The following DYM variants were observed in gnomAD, a reference collection of about 807,000 sequenced individuals.
DYM encodes dymeclin, also known as dyggve-Melchior-Clausen syndrome protein.
Under a neutral mutation model 93.1 loss-of-function variants are expected in DYM, and 78 were observed. The ratio of observed to expected loss-of-function variants is 0.84; its 90% CI spans 0.70 to 1.01. DYM has a LOEUF of 1.01. DYM is among the 50% of genes least tolerant of loss of function. DYM has a pLI of 0.00. For synonymous variants in DYM, 321 were observed against 319.7 expected (o/e 1.00, Z -0.04); for missense variants, 789 against 845.0 (o/e 0.93, Z 0.82).
chr18:49,110,953 T>C (rs1355038682), intron 16 of DYM, among the ~76,000 whole-genome samples: 1 of 152,316 alleles, frequency 6.6e-6, no homozygotes, highest in East Asian at 1.9e-4. Context: ...AGATCACAGA[T>C]TTTTTTCACA....
rs368785201 is a variant in DYM at position 49,391,582 on chromosome 18, T to C, written c.193+11A>G. On this transcript the variant is annotated intron_variant, in intron 3 of 17. Coordinates refer to ENST00000675505, the MANE Select transcript of DYM (RefSeq NM_001353214.3). ...TGAAAACAACACCCCACACACATTT[T>C]TCCCACTTACCTAATGACCTGCAGA... The C allele has an allele frequency of 1.7e-5, 27 of 1,613,108 alleles. No homozygotes were observed. The highest frequency in any genetic ancestry group is 2.2e-5 in the Non-Finnish European group (26 of 1,179,342).
At position 49,056,883 on chromosome 18, in the gene DYM, G is replaced by A. The variant is rs140944966; in HGVS notation, c.2026-12679C>T. On this transcript the variant is annotated intron_variant, in intron 17 of 17. Transcript: ENST00000675505. ...ATTTTTGTATTTTTTGTAAAGACAT[G>A]TTTTTGCCACATTGTCCAGGCTGGT... is the stretch of plus-strand genomic sequence containing the variant. 3.3e-5 allele frequency among the ~76,000 whole-genome samples: 5 copies of A among 152,296 alleles called. No individual in the cohort carries two copies. The East Asian group carries it at 5.8e-4, about 18-fold the overall frequency.
chr18:49,429,034 C>G (rs1267753181), intron 2 of DYM, among the ~76,000 whole-genome samples: 1 of 152,192 alleles, frequency 6.6e-6, no homozygotes, highest in Non-Finnish European at 1.5e-5. Context: ...CATCCCTTTC[C>G]AAAGGCTCTA....
chr18:49,046,252 C>T (rs1289153121), intron 17 of DYM, among the ~76,000 whole-genome samples: 1 of 130,128 alleles, frequency 7.7e-6, no homozygotes, highest in Non-Finnish European at 1.7e-5. Context: ...CACAAACATC[C>T]ATACCCACAA....
intron 8 of DYM, among the ~76,000 whole-genome samples, chr18:49,311,148 C>G (rs901160878): frequency 6.6e-6 from 1 of 152,110 alleles, no homozygotes; most frequent in Non-Finnish European, 1.5e-5. Flanking sequence ...AGAGGGACAA[C>G]AGGACCGAAG....
chr18:49,083,265 T>A (rs1568392418), intron 17 of DYM, among the ~76,000 whole-genome samples: 1 of 152,330 alleles, frequency 6.6e-6, no homozygotes, highest in East Asian at 1.9e-4. Flanking sequence ...ATTAAAATGA[T>A]CATGTGGTTT....
chr18:49,216,955 C>A lies in DYM; in HGVS notation c.1461-7240G>T, dbSNP rs937032078. 3.9e-5 allele frequency among the ~76,000 whole-genome samples: 6 copies of A among 152,108 alleles called. No homozygotes were observed. The East Asian group carries it at 9.6e-4, about 24-fold the overall frequency. ...AAGACTTCAGACAATCAAAGTACTC[C>A]GAGCTACAGGAGGAAATTCAAACCG... On this transcript the variant is annotated intron_variant, in intron 13 of 17. Coordinates refer to ENST00000675505, the MANE Select transcript of DYM (RefSeq NM_001353214.3).
At position 49,455,504 on chromosome 18, in the gene DYM, A is replaced by G. The variant is rs542561781; in HGVS notation, c.-54+4894T>C. Among the ~76,000 whole-genome samples the G allele has an allele frequency of 7.2e-5, 11 of 152,336 alleles. No individual in the cohort carries two copies. The South Asian group carries it at 2.3e-3, about 32-fold the overall frequency. ...ATTTTCATTTAATTCTCTAACAAACATATAAAGTATATATTAGTCCCATTA... is the reference window on the plus strand; with the variant it reads ...ATTTTCATTTAATTCTCTAACAAACGTATAAAGTATATATTAGTCCCATTA... On this transcript the variant is annotated intron_variant, in intron 1 of 17. Coordinates refer to ENST00000675505, the MANE Select transcript of DYM (RefSeq NM_001353214.3).
At chr18:49,422,093 C>G (rs1026138498) in intron 2 of DYM, among the ~76,000 whole-genome samples, 2 of 152,168 alleles carry the variant, frequency 1.3e-5, no homozygotes, top group Non-Finnish European at 2.9e-5. Context: ...AGGATATTAT[C>G]CAGGAGAACT....
intron 10 of DYM, among the ~76,000 whole-genome samples, chr18:49,275,200 G>A (rs1460831568): frequency 2.0e-5 from 3 of 152,044 alleles, no homozygotes. Flanking sequence ...ACTACACAGT[G>A]GCACCAGTAC....
chr18:49,365,875 C>T (rs1044249046), intron 5 of DYM, among the ~76,000 whole-genome samples: 4 of 152,140 alleles, frequency 2.6e-5, no homozygotes, highest in Non-Finnish European at 5.9e-5. Context: ...TATTCAATTC[C>T]ATGTGCCACT....
intron 13 of DYM, among the ~76,000 whole-genome samples, 198 bp from the exon 14 acceptor site, chr18:49,209,913 C>T (rs1370173280): frequency 6.6e-6 from 1 of 151,188 alleles, no homozygotes; most frequent in Non-Finnish European, 1.5e-5. Flanking sequence ...TCTAAACAGA[C>T]ACTTCATCAG....
intron 5 of DYM, among the ~76,000 whole-genome samples, chr18:49,367,632 A>G (rs554023542): frequency 2.0e-5 from 3 of 152,348 alleles, no homozygotes; most frequent in Non-Finnish European, 4.4e-5. Flanking sequence ...CAGAAAAATG[A>G]AACATATGGA....
At chr18:49,096,588 G>C (rs888532431) in intron 17 of DYM, among the ~76,000 whole-genome samples, 1 of 152,176 alleles carries the variant, frequency 6.6e-6, no homozygotes, top group African/African-American at 2.4e-5. Flanking sequence ...AAAAAGAACA[G>C]TAAAGTAAAA....
chr18:49,394,462 G>A (rs938499578), intron 2 of DYM, among the ~76,000 whole-genome samples: 7 of 152,044 alleles, frequency 4.6e-5, no homozygotes, highest in South Asian at 2.1e-4. Flanking sequence ...ATCAGGTAAC[G>A]TAATGTCTCC....
intron 17 of DYM, among the ~76,000 whole-genome samples, chr18:49,050,206 C>A (rs1387179050): frequency 6.6e-6 from 1 of 151,676 alleles, no homozygotes; most frequent in African/African-American, 2.4e-5. Context: ...CCTGCCTCGG[C>A]CTCCCTAGTA....
At chr18:49,182,056 T>C (rs889569806) in intron 14 of DYM, among the ~76,000 whole-genome samples, 1 of 152,226 alleles carries the variant, frequency 6.6e-6, no homozygotes, top group Admixed American at 6.5e-5. Context: ...CTTTGATTCA[T>C]GGATTATTTA....
intron 1 of DYM, among the ~76,000 whole-genome samples, chr18:49,444,523 T>C (rs1336852027): frequency 6.6e-6 from 1 of 152,228 alleles, no homozygotes; most frequent in African/African-American, 2.4e-5. Context: ...CATGTCAAGA[T>C]GCTTCATGTA....
chr18:49,275,952 ATTC>A (rs1388267594), intron 10 of DYM, among the ~76,000 whole-genome samples: 1 of 152,116 alleles, frequency 6.6e-6, no homozygotes, highest in African/African-American at 2.4e-5. Flanking sequence ...TCATCTATTA[ATTC>A]TAAGAGTTTT....
Sources: allele counts gnomAD v4.1 joint callset (sites outside exome capture counted in the v4.1 genomes callset), GRCh38; gene constraint gnomAD v4.1.1; transcripts MANE v1.5; gene names NCBI Gene and HGNC (gene_info 2026-07-23, HGNC 2026-07-21).